L2HGDH: variants seen among roughly 807,000 people sequenced by gnomAD.
L2HGDH encodes the protein L-2-hydroxyglutarate dehydrogenase, mitochondrial.
L2HGDH carries 34 observed loss-of-function variants against 51.5 expected under a neutral mutation model. That is an observed-to-expected ratio of 0.66 (90% CI 0.50 to 0.88). The LOEUF is 0.88. Ranked by LOEUF, L2HGDH falls within the 40% of genes least tolerant of loss-of-function variation. The probability of loss-of-function intolerance (pLI) is 0.00; values close to 1 mark genes in which losing one functional copy is unlikely to be tolerated. For missense variants in L2HGDH, 558 were observed against 571.9 expected (o/e 0.98, Z 0.25); for synonymous variants, 198 against 197.9 (o/e 1.00, Z -0.01).
At position 50,294,154 on chromosome 14, in the gene L2HGDH, G is replaced by A. The variant is rs2029896396; in HGVS notation, c.501C>T (p.Ile167=). ...LQNGVPGLRL[I]QQEDIKKKEP... ...CCTTCTTTTTTATATCCTCCTGCTG[G>A]ATCAGCCTCAGGCCCGGGACACCAT... Residue 167 remains isoleucine (I), a synonymous_variant, in exon 4 of 10, where the codon ATC becomes ATT. Transcript: ENST00000267436. 1 of 1,613,650 alleles carries A rather than the reference G, an allele frequency of 6.2e-7. No individual in the cohort carries two copies. The highest frequency in any genetic ancestry group is 1.7e-5 in the Admixed American group (1 of 59,976).
intron 4 of L2HGDH, chr14:50,287,131 A>C: frequency 1.1e-6 from 1 of 946,272 alleles, no homozygotes; most frequent in Non-Finnish European, 1.3e-6. Flanking sequence ...TGTGTAATAC[A>C]TATAATTTCA....
At chr14:50,272,179 C>T (rs922864343) in intron 6 of L2HGDH, among the ~76,000 whole-genome samples, 1 of 152,150 alleles carries the variant, frequency 6.6e-6, no homozygotes, top group African/African-American at 2.4e-5. Context: ...AAAACTATTT[C>T]AACCTGGTAA....
intron 4 of L2HGDH, among the ~76,000 whole-genome samples, chr14:50,289,833 G>A (rs1890773683): frequency 6.6e-6 from 1 of 152,146 alleles, no homozygotes; most frequent in South Asian, 2.1e-4. Flanking sequence ...AGCCATTAAA[G>A]AGGCAGATGT....
At chr14:50,264,296 T>C (rs144399665) in intron 9 of L2HGDH, among the ~76,000 whole-genome samples, 1 of 152,014 alleles carries the variant, frequency 6.6e-6, no homozygotes, top group Non-Finnish European at 1.5e-5. Context: ...GGGAATTGCT[T>C]GAACCCAGGA....
At position 50,257,072 on chromosome 14, in the gene L2HGDH, AT is replaced by A. The variant is rs371444883; in HGVS notation, c.1196+8285del. Among the ~76,000 whole-genome samples, 309 of 152,226 alleles carry A rather than the reference AT, an allele frequency of 2.0e-3. 2 individuals are homozygous for A. Among genetic ancestry groups the A allele is most frequent in the African/African-American group, 7.0e-3 (289 of 41,544 alleles). The stretch of plus-strand genomic sequence containing the variant: ...TGCCTCAGCCTCCCAAGTAGCTGGG[AT>A]TACAGGTGCCCACCACAGCTAGTTT... On this transcript the variant is annotated intron_variant, in intron 9 of 9. Transcript: ENST00000267436.
chr14:50,302,710 T>C (rs1420676417), intron 2 of L2HGDH, among the ~76,000 whole-genome samples, 192 bp downstream of exon 2: 3 of 152,128 alleles, frequency 2.0e-5, no homozygotes, highest in South Asian at 2.1e-4. Flanking sequence ...AAATAACCTA[T>C]AGACACGTCC....
In L2HGDH at chr14:50,256,046, T is replaced by G. The variant is rs188860484; in HGVS notation, c.1197-8793A>C. On this transcript the variant is annotated intron_variant, in intron 9 of 9. Transcript: ENST00000267436. ...ATGTCCAGAAACAAGAACAGCTGAA[T>G]GTGTAACTAAATACATACATTCATG... is the stretch of plus-strand genomic sequence containing the variant. Among the ~76,000 whole-genome samples the G allele has an allele frequency of 2.1e-3, 316 of 152,208 alleles. 3 individuals carry two copies. The highest frequency in any genetic ancestry group is 0.011 in the South Asian group (55 of 4,824).
At chr14:50,277,664 T>C (rs1356875088) in intron 6 of L2HGDH, among the ~76,000 whole-genome samples, 11 of 151,494 alleles carry the variant, frequency 7.3e-5, no homozygotes, top group Admixed American at 7.2e-4. Flanking sequence ...TCCCAGCTAC[T>C]CGGGAGGCTG....
chr14:50,245,657 C>G lies in L2HGDH; in HGVS notation c.*1401G>C. On this transcript the variant is annotated 3_prime_UTR_variant, in exon 10 of 10. Transcript: ENST00000267436. ...CTCTTCAAAATTAAAAGAATGTAAC[C>G]TACAATATAATGTATTTTCTTGTCT... 2.0e-6 allele frequency: 2 copies of G among 982,084 alleles called. No individual in the cohort carries two copies. The highest frequency in any genetic ancestry group is 2.4e-6 in the Non-Finnish European group (2 of 827,000). The allele number at this position is 982,084 out of a possible 1,614,324, so 60.8% of individuals were successfully genotyped here.
Position 50,244,892 on chromosome 14 carries a change from CAG to C in L2HGDH, c.*2164_*2165del, listed in dbSNP as rs1213032432. The C allele has an allele frequency of 1.0e-6, 1 of 985,288 alleles. No homozygotes were observed. The highest frequency in any genetic ancestry group is 1.2e-6 in the Non-Finnish European group (1 of 829,926). 61.0% of individuals were successfully genotyped at this position (985,288 alleles called of 1,614,324 possible). ...GAAGATGAATCCTGAGAGAGCAAATCAGAGAGAATGGATGAAAATGCCTCACC... is the reference window on the plus strand; with the variant it reads ...GAAGATGAATCCTGAGAGAGCAAATCAGAGAATGGATGAAAATGCCTCACC... On this transcript the variant is annotated 3_prime_UTR_variant, in exon 10 of 10. Transcript: ENST00000267436.
chr14:50,256,839 TTTAAGTA>T (rs1888694990), intron 9 of L2HGDH, among the ~76,000 whole-genome samples: 1 of 152,174 alleles, frequency 6.6e-6, no homozygotes, highest in South Asian at 2.1e-4. Flanking sequence ...CTAGAAAATT[TTTAAGTA>T]TTCTCTCCTC....
chr14:50,278,199 G>A (rs539615638), intron 6 of L2HGDH, among the ~76,000 whole-genome samples: 1 of 152,154 alleles, frequency 6.6e-6, no homozygotes, highest in Non-Finnish European at 1.5e-5. Context: ...TCCCTCTTCC[G>A]AAGTCTTCTG....
At chr14:50,270,951 A>G (rs4901008) in intron 6 of L2HGDH, among the ~76,000 whole-genome samples, 58,063 of 152,104 alleles carry the variant, frequency 0.38, 11,991 homozygotes, top group East Asian at 0.65. Flanking sequence ...CTTCTCCATA[A>G]TGAATTCAAA....
chr14:50,292,407 AG>A (rs1158589855), intron 4 of L2HGDH, among the ~76,000 whole-genome samples: 5 of 152,258 alleles, frequency 3.3e-5, no homozygotes, highest in Non-Finnish European at 7.3e-5. Context: ...CCAGATATTC[AG>A]GCCTATTAAA....
At chr14:50,295,366 C>T (rs559717858) in intron 3 of L2HGDH, among the ~76,000 whole-genome samples, 1 of 151,970 alleles carries the variant, frequency 6.6e-6, no homozygotes, top group Non-Finnish European at 1.5e-5. Context: ...CAGGACAAGA[C>T]CCTGTCTCTT....
chr14:50,312,099 G>T lies in L2HGDH; in HGVS notation c.52C>A (p.Leu18Ile), dbSNP rs2139247139. 1.0e-5 allele frequency: 16 copies of T among 1,607,670 alleles called. No individual in the cohort carries two copies. Among genetic ancestry groups the T allele is most frequent in the Non-Finnish European group, 1.4e-5 (16 of 1,178,018 alleles). ...LVGACGRARG[L>I]FAGGSPGACG... is the part of the protein sequence containing the mutation. ...GCCCCAGGGGAGCCACCGGCGAAAA[G>T]CCCGCGGGCCCGTCCGCAGGCACCA... Residue 18 changes from leucine (L) to isoleucine (I), a missense_variant, in exon 1 of 10, where the codon CTT (leucine) becomes ATT (isoleucine). Transcript: ENST00000267436.
At chr14:50,264,711 A>G (rs1157785062) in intron 9 of L2HGDH, among the ~76,000 whole-genome samples, 1 of 152,174 alleles carries the variant, frequency 6.6e-6, no homozygotes, top group Non-Finnish European at 1.5e-5. Flanking sequence ...GAAACAACAG[A>G]CACTGCAGTC....
In L2HGDH at chr14:50,264,160, G is replaced by A. The variant is rs199800460; in HGVS notation, c.1196+1198C>T. On this transcript the variant is annotated intron_variant, in intron 9 of 9. Coordinates refer to ENST00000267436, the MANE Select transcript of L2HGDH (RefSeq NM_024884.3). ...TTTGGGAGGCTGAGGCGTGTGGATC[G>A]CCTGAGGTCGGGAGTTTGAGACCCG... Among the ~76,000 whole-genome samples, 26 of 148,322 alleles carry A rather than the reference G, an allele frequency of 1.8e-4. No homozygotes were observed. The East Asian group carries it at 4.6e-3, about 26-fold the overall frequency.
intron 3 of L2HGDH, among the ~76,000 whole-genome samples, chr14:50,295,572 ATTTTTTTTTTT>A (rs545388262): frequency 6.6e-5 from 7 of 105,788 alleles, no homozygotes; most frequent in East Asian, 2.7e-4. Flanking sequence ...CACTCGGCTA[ATTTTTTTTTTT>A]TTTTTTTTTT....
Sources: gnomAD v4.1 joint callset for allele counts (sites outside exome capture counted in the v4.1 genomes callset) on GRCh38, gnomAD v4.1.1 for gene constraint, MANE v1.5 for transcripts, NCBI Gene and HGNC (gene_info 2026-07-23, HGNC 2026-07-21) for gene names.